LPL: variants seen among roughly 807,000 people sequenced by gnomAD.
LPL encodes the protein phospholipase A1.
A neutral mutation model predicts 52.2 loss-of-function variants in LPL; 43 were observed. That is an observed-to-expected ratio of 0.82 (90% CI 0.64 to 1.06). LPL has a LOEUF of 1.06. Among genes scored for constraint, LPL ranks in the 50% least tolerant of loss-of-function variants. The pLI is 0.00. For missense variants in LPL, 639 were observed against 585.3 expected, an observed-to-expected ratio of 1.09 and a Z score of -0.95; for synonymous variants, 244 against 215.6, an observed-to-expected ratio of 1.13 and a Z score of -1.15.
At chr8:19,941,758 A>G (rs1177264408) in intron 1 of LPL, among the ~76,000 whole-genome samples, 1 of 152,130 alleles carries the variant, frequency 6.6e-6, no homozygotes, top group Non-Finnish European at 1.5e-5. Context: ...AGGGAGAGAA[A>G]GATGTCACCG....
In LPL at chr8:19,954,880, G is replaced by A. The variant is rs570943592; in HGVS notation, c.775+527G>A. 2.0e-5 allele frequency among the ~76,000 whole-genome samples: 3 copies of A among 152,264 alleles called. No homozygotes were observed. The South Asian group carries it at 6.2e-4, about 32-fold the overall frequency. On this transcript the variant is annotated intron_variant, in intron 5 of 9. Coordinates refer to ENST00000650287, the MANE Select transcript of LPL (RefSeq NM_000237.3). ...ATTCTATTGCCCAAGCTGGGGTGCAGTCACACAATCACAGGGACTTGCAAT... is the reference window on the plus strand; with the variant it reads ...ATTCTATTGCCCAAGCTGGGGTGCAATCACACAATCACAGGGACTTGCAAT...
At chr8:19,957,988 TTTTATTTATTTATTTATTTA>T (rs10634207) in intron 6 of LPL, among the ~76,000 whole-genome samples, 19 of 140,808 alleles carry the variant, frequency 1.3e-4, no homozygotes, top group African/African-American at 3.9e-4. Flanking sequence ...CCAAGAATTA[TTTTATTTATTTATTTATTTA>T]TTTATTTATT....
chr8:19,963,179 C>A (rs993519471), intron 9 of LPL, among the ~76,000 whole-genome samples: 7 of 152,066 alleles, frequency 4.6e-5, no homozygotes, highest in Non-Finnish European at 8.8e-5. Flanking sequence ...TTCATGCCTG[C>A]AATCCCAGCA....
Position 19,965,432 on chromosome 8 carries a change from T to C in LPL, c.*122T>C. The C allele has an allele frequency of 1.4e-6, 1 of 740,678 alleles. No homozygotes were observed. Among genetic ancestry groups the C allele is most frequent in the Non-Finnish European group, 2.5e-6 (1 of 399,538 alleles). The allele number at this position is 740,678 out of a possible 1,614,324, so 45.9% of individuals were successfully genotyped here. A position where few individuals can be genotyped will look rare whatever the true frequency, so the allele number is the denominator to read the frequency against. On this transcript the variant is annotated 3_prime_UTR_variant, in exon 10 of 10. Transcript: ENST00000650287. ...TGTTTCAAAAGTGGATTTTCCTGAA[T>C]ATTAATCCCAGCCCTACCCTTGTTA...
chr8:19,951,755 G>A lies in LPL; in HGVS notation c.250-14G>A, dbSNP rs2069935961. ...AGGTGGGTATTTTAAGAAAGCTTGT[G>A]TCATCATCTTCAGGTAACAGGAATG... On this transcript the variant is annotated splice_polypyrimidine_tract_variant and intron_variant, in intron 2 of 9. Transcript: ENST00000650287. 9 of 1,614,072 alleles carry A rather than the reference G, an allele frequency of 5.6e-6. No individual in the cohort carries two copies. Among genetic ancestry groups the A allele is most frequent in the Non-Finnish European group, 7.6e-6 (9 of 1,179,942 alleles).
chr8:19,960,152 T>A (rs2070025177), intron 7 of LPL, among the ~76,000 whole-genome samples: 1 of 152,128 alleles, frequency 6.6e-6, no homozygotes, highest in African/African-American at 2.4e-5. Flanking sequence ...AATTACTAGA[T>A]GAACAAATCT....
chr8:19,951,905 A>C lies in LPL; in HGVS notation c.386A>C (p.Lys129Thr), dbSNP rs140903633. ...EHYPVSAGYTKLVGQDVARFI... is the reference protein window; with the variant it reads ...EHYPVSAGYTTLVGQDVARFI... ...TACCCAGTGTCCGCGGGCTACACCA[A>C]ACTGGTGGGACAGGATGTGGCCCGG... The change falls in exon 3 of 10, where the codon AAA (lysine) becomes ACA (threonine). Residue 129 changes from lysine to threonine, a missense_variant. Transcript: ENST00000650287. The C allele has an allele frequency of 3.7e-6, 6 of 1,614,038 alleles. No homozygotes were observed. In the African/African-American group the frequency reaches 8.0e-5, roughly 22 times the overall value.
chr8:19,965,760 CGG>C lies in LPL; in HGVS notation c.*451_*452del. The C allele has an allele frequency of 6.4e-6, 1 of 155,750 alleles. No individual in the cohort carries two copies. Among genetic ancestry groups the C allele is most frequent in the Admixed American group, 6.4e-5 (1 of 15,620 alleles). The allele number at this position is 155,750 out of a possible 1,614,324, so 9.6% of individuals were successfully genotyped here. On this transcript the variant is annotated 3_prime_UTR_variant, in exon 10 of 10. Coordinates refer to ENST00000650287, the MANE Select transcript of LPL (RefSeq NM_000237.3). ...CAAGAATACAGAAAATGCTTTTCCG[CGG>C]CACGAATCAGACTCATCTACACAGC...
At chr8:19,954,012 A>G (rs923203060) in intron 4 of LPL, 108 bp from the exon 5 acceptor site, 1 of 798,470 alleles carries the variant, frequency 1.3e-6, no homozygotes, top group Non-Finnish European at 2.2e-6. Flanking sequence ...ATAGGAGCTA[A>G]TAAGAATCTA....
chr8:19,949,396 A>G (rs980758310), intron 2 of LPL, among the ~76,000 whole-genome samples: 1 of 152,240 alleles, frequency 6.6e-6, no homozygotes, highest in Non-Finnish European at 1.5e-5. Flanking sequence ...TTACTATGTT[A>G]ACATAGTAAA....
At chr8:19,958,587 T>C (rs573191788) in intron 6 of LPL, among the ~76,000 whole-genome samples, 6 of 152,320 alleles carry the variant, frequency 3.9e-5, no homozygotes, top group Admixed American at 2.6e-4. Context: ...TTTATTTATT[T>C]CCATAGGTTA....
rs534718335 is a variant in LPL at position 19,942,957 on chromosome 8, A to G, written c.88+3429A>G. 2.1e-4 allele frequency among the ~76,000 whole-genome samples: 32 copies of G among 152,304 alleles called. No individual in the cohort carries two copies. In the South Asian group the frequency reaches 6.6e-3, roughly 32 times the overall value. ...GCTCTTCCCAGTCTGTGCTCTCAGA[A>G]TGATCAAATGCTATCTAAGTAGTGT... On this transcript the variant is annotated intron_variant, in intron 1 of 9. Transcript: ENST00000650287.
At chr8:19,940,535 G>A (rs977970374) in intron 1 of LPL, among the ~76,000 whole-genome samples, 3 of 152,266 alleles carry the variant, frequency 2.0e-5, no homozygotes, top group Non-Finnish European at 4.4e-5. Flanking sequence ...CGCAATGGAG[G>A]CAGCCTGCTT....
At position 19,965,618 on chromosome 8, in the gene LPL, T is replaced by C. The variant is rs1347025475; in HGVS notation, c.*308T>C. On this transcript the variant is annotated 3_prime_UTR_variant, in exon 10 of 10. Transcript: ENST00000650287. The stretch of plus-strand genomic sequence containing the variant: ...ATAATTGTTTGAGCGCAGAGTAAAA[T>C]AAGGCTCCTTCATGTGGCGTATTGG... 2.9e-6 allele frequency: 1 copy of C among 342,858 alleles called. No homozygotes were observed. Among genetic ancestry groups the C allele is most frequent in the Non-Finnish European group, 5.3e-6 (1 of 187,990 alleles). The allele number at this position is 342,858 out of a possible 1,614,324, so 21.2% of individuals were successfully genotyped here.
At chr8:19,946,497 C>T in intron 1 of LPL, 1 of 212,412 alleles carries the variant, frequency 4.7e-6, no homozygotes. Flanking sequence ...TTTCACTGTT[C>T]TCACTATGAC....
At chr8:19,952,699 G>A (rs1416668769) in intron 3 of LPL, among the ~76,000 whole-genome samples, 6 of 152,068 alleles carry the variant, frequency 3.9e-5, no homozygotes, top group South Asian at 4.2e-4. Context: ...ATGGGCAAAC[G>A]GGATCACCTC....
rs2069928144 is a variant in LPL, at chr8:19,950,882, GAA to G, written c.250-886_250-885del. On this transcript the variant is annotated intron_variant, in intron 2 of 9. Coordinates refer to ENST00000650287, the MANE Select transcript of LPL (RefSeq NM_000237.3). This position sits in a 1 kb window ranked among gnomAD's most constrained non-coding sequence, Gnocchi z 4.2. ...AGGAGGAAGGGAAGGAGGGAGGGAG[GAA>G]GGAAGGAAGGAATGAAGGAAGGAAG... is the stretch of plus-strand genomic sequence containing the variant. 6.7e-6 allele frequency among the ~76,000 whole-genome samples: 1 copy of G among 148,934 alleles called. No homozygotes were observed.
chr8:19,958,163 CA>C (rs2070004206), intron 6 of LPL, among the ~76,000 whole-genome samples: 1 of 151,930 alleles, frequency 6.6e-6, no homozygotes, highest in Admixed American at 6.6e-5. Context: ...GGATTACAGG[CA>C]CCCGCCACCA....
At chr8:19,948,527 G>A in intron 2 of LPL, 187 bp downstream of exon 2, 1 of 640,182 alleles carries the variant, frequency 1.6e-6, no homozygotes, top group East Asian at 2.8e-5. Context: ...CTCCCCCTAG[G>A]CAGTGCCAGC....
Sources: allele counts gnomAD v4.1 joint callset (sites outside exome capture counted in the v4.1 genomes callset), GRCh38; gene constraint gnomAD v4.1.1; non-coding constraint Gnocchi (gnomAD v3.1); transcripts MANE v1.5; gene names NCBI Gene and HGNC (gene_info 2026-07-23, HGNC 2026-07-21).